The following CDC25A variants were observed in gnomAD, a reference collection of about 807,000 sequenced individuals.
CDC25A encodes M-phase inducer phosphatase 1.
In CDC25A, 17 loss-of-function variants were observed where a neutral mutation model predicts 64.6. The observed-to-expected ratio is 0.26, with a 90% CI of 0.18 to 0.39. The LOEUF is 0.39. Ranked by LOEUF, CDC25A falls within the 10% of genes least tolerant of loss-of-function variation. The pLI, the probability that CDC25A is intolerant of heterozygous loss-of-function variation, is 1.00. For synonymous variants in CDC25A, 229 were observed against 238.6 expected (o/e 0.96, Z 0.37); for missense variants, 473 against 654.8 (o/e 0.72, Z 3.03).
chr3:48,178,123 AT>A, intron 6 of CDC25A, 135 bp from the exon 7 acceptor site: 1 of 755,828 alleles, frequency 1.3e-6, no homozygotes, highest in South Asian at 1.8e-5. Flanking sequence ...GCCATTACTG[AT>A]TATATGAAAA....
chr3:48,179,240 T>G (rs2032575227), intron 6 of CDC25A, among the ~76,000 whole-genome samples: 1 of 152,200 alleles, frequency 6.6e-6, no homozygotes, highest in Non-Finnish European at 1.5e-5. Context: ...AAGCTCACAC[T>G]ATATCACACC....
At chr3:48,186,335 G>A (rs1342435565) in intron 2 of CDC25A, among the ~76,000 whole-genome samples, 1 of 152,124 alleles carries the variant, frequency 6.6e-6, no homozygotes, top group African/African-American at 2.4e-5. Context: ...TTGGGAGGCC[G>A]AGGAAGGCGG....
chr3:48,166,283 A>G (rs547804506), intron 10 of CDC25A, among the ~76,000 whole-genome samples: 2 of 152,256 alleles, frequency 1.3e-5, no homozygotes, highest in Admixed American at 6.6e-5. Flanking sequence ...ACTCCCTCTC[A>G]AAAAACAAAC....
chr3:48,162,034 C>G (rs1270845675), intron 13 of CDC25A, among the ~76,000 whole-genome samples: 1 of 152,132 alleles, frequency 6.6e-6, no homozygotes, highest in Non-Finnish European at 1.5e-5. Context: ...GCACTCCAGT[C>G]TGGGTGGCAG....
rs2031624961 is a variant in CDC25A, at chr3:48,158,696, C to T, written c.*249G>A. The T allele has an allele frequency of 9.5e-6, 4 of 419,808 alleles. No individual in the cohort carries two copies. Among genetic ancestry groups the T allele is most frequent in the African/African-American group, 5.9e-5 (3 of 50,682 alleles). 26.0% of individuals were successfully genotyped at this position (419,808 alleles called of 1,614,324 possible). On this transcript the variant is annotated 3_prime_UTR_variant, in exon 15 of 15. Coordinates refer to ENST00000302506, the MANE Select transcript of CDC25A (RefSeq NM_001789.3). ...TGGCTCAGAGCAGCTTGACACGGTG[C>T]TCAGAACTGCATTGTGGCACAGTTC...
Position 48,188,060 on chromosome 3 carries a change from A to G in CDC25A, c.-113T>C. 1.1e-6 allele frequency: 1 copy of G among 889,222 alleles called. No homozygotes were observed. The highest frequency in any genetic ancestry group is 1.5e-6 in the Non-Finnish European group (1 of 674,846). The allele number at this position is 889,222 out of a possible 1,614,324, so 55.1% of individuals were successfully genotyped here. On this transcript the variant is annotated 5_prime_UTR_variant, in exon 1 of 15. Transcript: ENST00000302506. ...CGCGCCACCGGCGCCCGCGGGTCAAACACAAACACGACTCCGCGGTTCAGG... is the reference window on the plus strand; with the variant it reads ...CGCGCCACCGGCGCCCGCGGGTCAAGCACAAACACGACTCCGCGGTTCAGG...
intron 6 of CDC25A, among the ~76,000 whole-genome samples, chr3:48,178,812 G>C (rs1389250188): frequency 6.6e-6 from 1 of 152,108 alleles, no homozygotes; most frequent in Non-Finnish European, 1.5e-5. Context: ...AGAAAATTTA[G>C]AAAAACTGCT....
intron 9 of CDC25A, among the ~76,000 whole-genome samples, chr3:48,169,823 C>A (rs1455050102): frequency 3.3e-5 from 5 of 151,948 alleles, no homozygotes; most frequent in Admixed American, 6.6e-5. Flanking sequence ...GCCTTGCCAA[C>A]ATGGTGAAAC....
rs772699840 is a variant in CDC25A at position 48,157,311 on chromosome 3, T to C, written c.*1634A>G. The C allele has an allele frequency of 2.0e-5, 3 of 152,260 alleles. No homozygotes were observed. Among genetic ancestry groups the C allele is most frequent in the Non-Finnish European group, 4.4e-5 (3 of 68,036 alleles). The allele number at this position is 152,260 out of a possible 1,614,324, so 9.4% of individuals were successfully genotyped here. ...AACAGAATCTCTTTCTTACAAACAA[T>C]ATCATTAACCAGTTGGAATCTGTCT... On this transcript the variant is annotated 3_prime_UTR_variant, in exon 15 of 15. Transcript: ENST00000302506.
chr3:48,162,341 A>T (rs1272083864), intron 13 of CDC25A, among the ~76,000 whole-genome samples: 2 of 151,932 alleles, frequency 1.3e-5, no homozygotes, highest in Non-Finnish European at 2.9e-5. Context: ...GCTGGAGTAC[A>T]GTGGCATGAT....
intron 10 of CDC25A, among the ~76,000 whole-genome samples, chr3:48,167,198 T>A (rs1323134103): frequency 6.6e-6 from 1 of 152,240 alleles, no homozygotes; most frequent in African/African-American, 2.4e-5. Context: ...GAACTGTATC[T>A]CATTTTGGAA....
chr3:48,170,185 G>C (rs545294651), intron 9 of CDC25A, among the ~76,000 whole-genome samples: 6 of 152,232 alleles, frequency 3.9e-5, no homozygotes, highest in African/African-American at 1.4e-4. Flanking sequence ...CAGCAAGCAA[G>C]CAAGCAAGCA....
intron 5 of CDC25A, among the ~76,000 whole-genome samples, chr3:48,182,250 G>C (rs186002362): frequency 6.6e-6 from 1 of 152,208 alleles, no homozygotes; most frequent in South Asian, 2.1e-4. Context: ...CCTGAAGATT[G>C]TAAGGACAAG....
intron 13 of CDC25A, among the ~76,000 whole-genome samples, chr3:48,163,298 A>G (rs867775904): frequency 7.0e-4 from 104 of 148,228 alleles, no homozygotes; most frequent in Admixed American, 2.9e-3. Context: ...AAAAAAAAAA[A>G]AAAGAAAGAA....
chr3:48,159,566 AACTTG>A (rs2031662835), intron 13 of CDC25A, 111 bp from the exon 14 acceptor site: 1 of 692,452 alleles, frequency 1.4e-6, no homozygotes, highest in Admixed American at 2.3e-5. Context: ...ACATCTTCCC[AACTTG>A]ACATTTATTC....
intron 5 of CDC25A, among the ~76,000 whole-genome samples, chr3:48,181,104 T>C: frequency 6.6e-6 from 1 of 152,152 alleles, no homozygotes; most frequent in South Asian, 2.1e-4. Flanking sequence ...ATAAGCTAAA[T>C]CACAAACTTT....
In CDC25A at chr3:48,186,739, G is replaced by C. The variant is rs1164990312; in HGVS notation, c.211C>G (p.Leu71Val). Residue 71 changes from leucine (L) to valine (V), a missense_variant, in exon 2 of 15, where the codon CTG (leucine) becomes GTG (valine). Transcript: ENST00000302506. The part of the protein sequence containing the change: ...QPLEVKNNSN[L>V]QRMGSSESTD... ...GACTCGGAGGAGCCCATTCTCTGCA[G>C]ATTACTGTTGTTCTTCACCTCCAGT... 6.2e-7 allele frequency: 1 copy of C among 1,603,026 alleles called. No individual in the cohort carries two copies. Among genetic ancestry groups the C allele is most frequent in the Non-Finnish European group, 8.5e-7 (1 of 1,172,942 alleles).
chr3:48,164,079 G>A (rs890214483), intron 13 of CDC25A, among the ~76,000 whole-genome samples: 3 of 152,174 alleles, frequency 2.0e-5, no homozygotes, highest in Non-Finnish European at 2.9e-5. Flanking sequence ...TGTACTTGAA[G>A]GAGGTCACAT....
chr3:48,180,169 TCA>T (rs2032609566), intron 6 of CDC25A, among the ~76,000 whole-genome samples: 1 of 152,124 alleles, frequency 6.6e-6, no homozygotes, highest in African/African-American at 2.4e-5. Flanking sequence ...TCCTCCTGTC[TCA>T]GTTTTCCAAA....
Sources: gnomAD v4.1 joint callset for allele counts (sites outside exome capture counted in the v4.1 genomes callset) on GRCh38, gnomAD v4.1.1 for gene constraint, MANE v1.5 for transcripts, NCBI Gene and HGNC (gene_info 2026-07-23, HGNC 2026-07-21) for gene names.